NALCN: variants seen among roughly 807,000 people sequenced by gnomAD.
The protein encoded by NALCN is sodium leak channel, non-selective.
A neutral mutation model predicts 225.3 loss-of-function variants in NALCN; 111 were observed. That is an observed-to-expected ratio of 0.49 (90% confidence interval 0.42 to 0.58). NALCN has a LOEUF of 0.58. Ranked by LOEUF, NALCN falls within the 20% of genes least tolerant of loss-of-function variation. The probability of loss-of-function intolerance (pLI) is 0.00; values close to 1 mark genes in which losing one functional copy is unlikely to be tolerated. For missense variants in NALCN, 1,378 were observed against 2,202.4 expected, an observed-to-expected ratio of 0.63 and a Z score of 7.49; for synonymous variants, 764 against 769.0, an observed-to-expected ratio of 0.99 and a Z score of 0.11.
chr13:101,350,236 T>C (rs1378246103), intron 6 of NALCN, among the ~76,000 whole-genome samples: 2 of 152,154 alleles, frequency 1.3e-5, no homozygotes, highest in East Asian at 1.9e-4. Context: ...ATCTGGCTCC[T>C]CCCACACTTC....
chr13:101,147,067 A>G (rs1162093223), intron 15 of NALCN, among the ~76,000 whole-genome samples: 2 of 152,172 alleles, frequency 1.3e-5, no homozygotes, highest in African/African-American at 2.4e-5. Context: ...TGAGAATTCA[A>G]TGTCTTCAAA....
At chr13:101,145,112 C>A (rs1214703677) in intron 15 of NALCN, among the ~76,000 whole-genome samples, 1 of 152,048 alleles carries the variant, frequency 6.6e-6, no homozygotes, top group Non-Finnish European at 1.5e-5. Flanking sequence ...CAAAACTTAA[C>A]AACAAAAAAA....
At chr13:101,346,087 C>CTCTCTCTATATATATATATATA in intron 6 of NALCN, among the ~76,000 whole-genome samples, 125 of 70,920 alleles carry the variant, frequency 1.8e-3, no homozygotes, top group Non-Finnish European at 2.3e-3. Context: ...CTCTCTCTCT[C>CTCTCTCTATATATATATATATA]TATATATATA....
rs539298430 is a variant in NALCN at position 101,306,006 on chromosome 13, A to T, written c.800-13640T>A. The stretch of plus-strand genomic sequence containing the variant: ...AGAGGAAACACATGTAAAAGGGAAG[A>T]GTGTGTTGGACCATGTGAAGAGCCA... On this transcript the variant is annotated intron_variant, in intron 7 of 43. Coordinates refer to ENST00000251127, the MANE Select transcript of NALCN (RefSeq NM_052867.4). Among the ~76,000 whole-genome samples the T allele has an allele frequency of 9.2e-5, 14 of 152,326 alleles. No homozygotes were observed. The East Asian group carries it at 2.5e-3, about 27-fold the overall frequency.
At chr13:101,261,052 C>A (rs1461373224) in intron 10 of NALCN, among the ~76,000 whole-genome samples, 1 of 152,026 alleles carries the variant, frequency 6.6e-6, no homozygotes, top group African/African-American at 2.4e-5. Context: ...ATTTTTGTAC[C>A]TTACAGAGAT....
intron 3 of NALCN, among the ~76,000 whole-genome samples, chr13:101,380,962 G>A (rs935533051): frequency 6.6e-5 from 10 of 151,770 alleles, no homozygotes; most frequent in Admixed American, 5.9e-4. Context: ...CATCCAGCTA[G>A]TATATAAAGC....
intron 14 of NALCN, among the ~76,000 whole-genome samples, chr13:101,179,581 G>T (rs2139953253): frequency 6.6e-6 from 1 of 152,172 alleles, no homozygotes; most frequent in African/African-American, 2.4e-5. Context: ...TAAGGTCAAG[G>T]TTACCCACTA....
chr13:101,120,824 C>T (rs770469541), intron 18 of NALCN, among the ~76,000 whole-genome samples: 2 of 152,162 alleles, frequency 1.3e-5, no homozygotes, highest in African/African-American at 2.4e-5. Flanking sequence ...TGGTCCTCAA[C>T]CACAGCACTG....
rs200579076 is a variant in NALCN at position 101,211,562 on chromosome 13, GA to G, written c.1626+17830del. 1.5e-4 allele frequency among the ~76,000 whole-genome samples: 22 copies of G among 142,170 alleles called. No homozygotes were observed. In the South Asian group the frequency reaches 2.0e-3, roughly 13 times the overall value. The allele number at this position is 142,170 out of a possible 152,430, so 93.3% of individuals were successfully genotyped here. ...AAAAATAAATTCCAACAGGAGCAAG[GA>G]AAAAAAAACCCTAATGTTATAGTAG... On this transcript the variant is annotated intron_variant, in intron 13 of 43. Coordinates refer to ENST00000251127, the MANE Select transcript of NALCN (RefSeq NM_052867.4).
intron 13 of NALCN, among the ~76,000 whole-genome samples, chr13:101,211,698 A>G (rs2040532078): frequency 6.6e-6 from 1 of 151,634 alleles, no homozygotes; most frequent in South Asian, 2.1e-4. Context: ...AATAAGCCAA[A>G]TTGTTAGTTT....
chr13:101,086,377 G>A (rs932181008), intron 30 of NALCN, among the ~76,000 whole-genome samples: 2 of 151,656 alleles, frequency 1.3e-5, no homozygotes, highest in South Asian at 2.1e-4. Flanking sequence ...TGTATATGAC[G>A]CTATAAAATG....
Position 101,100,907 on chromosome 13 carries a change from A to C in NALCN, c.3058-19T>G, listed in dbSNP as rs1473493509. 2 of 1,588,186 alleles carry C rather than the reference A, an allele frequency of 1.3e-6. No homozygotes were observed. The highest frequency in any genetic ancestry group is 1.7e-6 in the Non-Finnish European group (2 of 1,164,720). On this transcript the variant is annotated intron_variant, in intron 26 of 43. Coordinates refer to ENST00000251127, the MANE Select transcript of NALCN (RefSeq NM_052867.4). The stretch of plus-strand genomic sequence containing the variant: ...TGGAGACCTGAAAGAAATTGATGAA[A>C]TGTTAAATCTCTTGTTAAAGACTAA...
At chr13:101,345,131 G>A in intron 7 of NALCN, 135 bp downstream of exon 7, 1 of 916,226 alleles carries the variant, frequency 1.1e-6, no homozygotes, top group Non-Finnish European at 1.6e-6. Flanking sequence ...AATAGGCATA[G>A]AATTAAAATT....
chr13:101,087,295 G>A (rs1047724848), intron 30 of NALCN, among the ~76,000 whole-genome samples: 1 of 151,956 alleles, frequency 6.6e-6, no homozygotes, highest in African/African-American at 2.4e-5. Flanking sequence ...GTGCCTTTGG[G>A]TATGACTATT....
intron 11 of NALCN, among the ~76,000 whole-genome samples, chr13:101,249,710 G>A (rs1594524961): frequency 6.6e-6 from 1 of 152,048 alleles, no homozygotes; most frequent in East Asian, 1.9e-4. Flanking sequence ...CTCATAATGA[G>A]AAATGCTCTT....
intron 11 of NALCN, among the ~76,000 whole-genome samples, chr13:101,250,588 T>C (rs1183312815): frequency 6.6e-6 from 1 of 152,022 alleles, no homozygotes; most frequent in Non-Finnish European, 1.5e-5. Context: ...CCTTATCTCA[T>C]TCCAAATGTA....
In NALCN at chr13:101,239,098, C is replaced by G. The variant is rs183066907; in HGVS notation, c.1267-1176G>C. ...ACACGTGGATGAACTCCTTTGCCCA[C>G]GTTTCTCAGGTATTTCATGTTAATG... On this transcript the variant is annotated intron_variant, in intron 11 of 43. Transcript: ENST00000251127. 9.9e-5 allele frequency among the ~76,000 whole-genome samples: 15 copies of G among 151,984 alleles called. No individual in the cohort carries two copies. The East Asian group carries it at 2.5e-3, about 25-fold the overall frequency.
intron 17 of NALCN, among the ~76,000 whole-genome samples, chr13:101,142,409 T>C (rs2037131674): frequency 6.6e-6 from 1 of 152,122 alleles, no homozygotes; most frequent in South Asian, 2.1e-4. Context: ...CCCAAAGTGC[T>C]GGGATTACAG....
intron 37 of NALCN, among the ~76,000 whole-genome samples, chr13:101,072,713 A>T (rs1450820617): frequency 6.6e-6 from 1 of 152,172 alleles, no homozygotes; most frequent in African/African-American, 2.4e-5. Context: ...TCTTCTTCCT[A>T]CTGACAGTTG....
Sources: gnomAD v4.1 joint callset for allele counts (sites outside exome capture counted in the v4.1 genomes callset) on GRCh38, gnomAD v4.1.1 for gene constraint, MANE v1.5 for transcripts, NCBI Gene and HGNC (gene_info 2026-07-23, HGNC 2026-07-21) for gene names.